GPR141: variants seen among roughly 807,000 people sequenced by gnomAD.
The protein encoded by GPR141 is probable G protein-coupled receptor 141.
GPR141 carries 6 observed loss-of-function variants against 6.8 expected under a neutral mutation model. That is an observed-to-expected ratio of 0.88 (90% CI 0.48 to 1.74). The LOEUF is 1.74. Ranked by LOEUF, GPR141 falls within the 40% of genes most tolerant of loss-of-function variation. The pLI, the probability that GPR141 is intolerant of heterozygous loss-of-function variation, is 0.01. For synonymous variants in GPR141, 140 were observed against 142.3 expected (o/e 0.98, Z 0.11); for missense variants, 372 against 372.9 (o/e 1.00, Z 0.02).
chr7:37,712,201 G>T (rs967607580), intron 2 of GPR141, among the ~76,000 whole-genome samples: 5 of 152,118 alleles, frequency 3.3e-5, no homozygotes, highest in Non-Finnish European at 7.4e-5. Context: ...GGGCATCCCT[G>T]GGATACTGAG....
intron 2 of GPR141, among the ~76,000 whole-genome samples, chr7:37,719,600 C>T (rs934877408): frequency 4.6e-5 from 7 of 152,158 alleles, no homozygotes; most frequent in African/African-American, 7.2e-5. Context: ...TTGCCACACA[C>T]GTCTGCGAAT....
At position 37,742,359 on chromosome 7, in the gene GPR141, T is replaced by C. The variant is rs1038744172; in HGVS notation, c.*1048T>C. Among the ~76,000 whole-genome samples, 38 of 152,112 alleles carry C rather than the reference T, an allele frequency of 2.5e-4. No individual in the cohort carries two copies. The highest frequency in any genetic ancestry group is 1.8e-4 in the Non-Finnish European group (12 of 68,022). ...GGTTTGCGGCACCTGTCAACCCATC[T>C]ACATTAGGTATTTCTCCTAATGCTC... is the stretch of plus-strand genomic sequence containing the variant. On this transcript the variant is annotated 3_prime_UTR_variant, in exon 3 of 3. Transcript: ENST00000334425.
chr7:37,712,989 A>C (rs1810879522), intron 2 of GPR141, among the ~76,000 whole-genome samples: 1 of 152,098 alleles, frequency 6.6e-6, no homozygotes, highest in Non-Finnish European at 1.5e-5. Context: ...TGTTTTTCTC[A>C]TGGTAATGAT....
intron 1 of GPR141, 58 bp downstream of exon 1, chr7:37,683,961 G>C (rs896912448): frequency 1.3e-5 from 2 of 152,148 alleles, no homozygotes; most frequent in Non-Finnish European, 2.9e-5. Context: ...TAGAAATAAA[G>C]CACACTTAAT....
chr7:37,723,258 G>A (rs1349777618), intron 2 of GPR141, among the ~76,000 whole-genome samples: 1 of 151,982 alleles, frequency 6.6e-6, no homozygotes, highest in Non-Finnish European at 1.5e-5. Context: ...CTCCCAAAGT[G>A]CCTGGATTAT....
intron 2 of GPR141, among the ~76,000 whole-genome samples, chr7:37,689,574 T>C (rs1376019841): frequency 6.6e-6 from 1 of 152,098 alleles, no homozygotes; most frequent in Non-Finnish European, 1.5e-5. Flanking sequence ...GTTTTATTAT[T>C]AATAATTGGT....
At chr7:37,708,144 T>G (rs1247753507) in intron 2 of GPR141, among the ~76,000 whole-genome samples, 1 of 151,960 alleles carries the variant, frequency 6.6e-6, no homozygotes, top group Non-Finnish European at 1.5e-5. Flanking sequence ...CTGACAGATG[T>G]AATGATAAAA....
Position 37,719,706 on chromosome 7 carries a change from C to T in GPR141, c.-14-20674C>T, listed in dbSNP as rs116247052. Among the ~76,000 whole-genome samples, 326 of 152,202 alleles carry T rather than the reference C, an allele frequency of 2.1e-3. 2 individuals are homozygous for T. Among genetic ancestry groups the T allele is most frequent in the African/African-American group, 7.4e-3 (306 of 41,486 alleles). On this transcript the variant is annotated intron_variant, in intron 2 of 2. Coordinates refer to ENST00000334425, the MANE Select transcript of GPR141 (RefSeq NM_001381946.1). ...AGTTCATAGGCAGCTGAGCAGAAAA[C>T]CAGAAAAAGGGGGCTGAGAATTAGG...
intron 2 of GPR141, among the ~76,000 whole-genome samples, chr7:37,717,298 G>A (rs1811094639): frequency 6.6e-6 from 1 of 152,202 alleles, no homozygotes; most frequent in Non-Finnish European, 1.5e-5. Context: ...TACATTTAAA[G>A]TAGGTGGCCT....
chr7:37,718,524 A>AGGAAGGAAGG (rs1811156215), intron 2 of GPR141, among the ~76,000 whole-genome samples: 2 of 55,366 alleles, frequency 3.6e-5, no homozygotes, highest in Non-Finnish European at 8.9e-5. Flanking sequence ...AGGAAGGAAG[A>AGGAAGGAAGG]AAGGAAGGAA....
chr7:37,715,769 G>A (rs1165929133), intron 2 of GPR141, among the ~76,000 whole-genome samples: 4 of 152,144 alleles, frequency 2.6e-5, no homozygotes, highest in Admixed American at 6.5e-5. Context: ...GCGTCAGGAG[G>A]TGAGTATTAG....
intron 2 of GPR141, among the ~76,000 whole-genome samples, chr7:37,716,525 G>A (rs1172560136): frequency 6.6e-6 from 1 of 152,050 alleles, no homozygotes; most frequent in African/African-American, 2.4e-5. Flanking sequence ...ATGAGGAGAG[G>A]TAATGCCCAG....
intron 2 of GPR141, among the ~76,000 whole-genome samples, chr7:37,724,696 C>T (rs779518254): frequency 1.8e-4 from 27 of 152,290 alleles, no homozygotes; most frequent in Admixed American, 5.9e-4. Context: ...AACTATAATT[C>T]GTTCTAAGGA....
At chr7:37,715,528 C>T (rs1430448468) in intron 2 of GPR141, among the ~76,000 whole-genome samples, 3 of 152,148 alleles carry the variant, frequency 2.0e-5, no homozygotes, top group African/African-American at 7.2e-5. Context: ...TGTTCAGCAT[C>T]CAGTCTTACG....
Position 37,694,628 on chromosome 7 carries a change from G to A in GPR141, c.-15+9045G>A, listed in dbSNP as rs143098553. On this transcript the variant is annotated intron_variant, in intron 2 of 2. Coordinates refer to ENST00000334425, the MANE Select transcript of GPR141 (RefSeq NM_001381946.1). ...TATTTAGCTCATGGTTCTGCAGCCT[G>A]TACAAGAAACATGGCAGGTGTGCAG... Among the ~76,000 whole-genome samples the A allele has an allele frequency of 2.6e-3, 392 of 152,366 alleles. 3 individuals carry two copies. Among genetic ancestry groups the A allele is most frequent in the African/African-American group, 8.1e-3 (337 of 41,578 alleles).
chr7:37,739,215 A>G (rs1812407532), intron 2 of GPR141, among the ~76,000 whole-genome samples: 1 of 152,224 alleles, frequency 6.6e-6, no homozygotes, highest in Admixed American at 6.5e-5. Flanking sequence ...GAGACATTCA[A>G]TAAATGAATA....
chr7:37,712,364 A>ACC (rs1162374282), intron 2 of GPR141, among the ~76,000 whole-genome samples: 1 of 152,136 alleles, frequency 6.6e-6, no homozygotes, highest in Non-Finnish European at 1.5e-5. Flanking sequence ...GAATTAAGGG[A>ACC]CCCAGGGTGT....
intron 2 of GPR141, among the ~76,000 whole-genome samples, chr7:37,691,812 C>G (rs1455405247): frequency 2.0e-5 from 3 of 151,916 alleles, no homozygotes; most frequent in Non-Finnish European, 4.4e-5. Context: ...GAGTTTTTTC[C>G]CCCCCTTTAA....
chr7:37,703,231 G>A (rs914524541), intron 2 of GPR141, among the ~76,000 whole-genome samples: 1 of 152,106 alleles, frequency 6.6e-6, no homozygotes, highest in Non-Finnish European at 1.5e-5. Flanking sequence ...CTTTTAAGAA[G>A]CTGTTTGTCT....
Sources: gnomAD v4.1 joint callset for allele counts (sites outside exome capture counted in the v4.1 genomes callset) on GRCh38, gnomAD v4.1.1 for gene constraint, MANE v1.5 for transcripts, NCBI Gene and HGNC (gene_info 2026-07-23, HGNC 2026-07-21) for gene names.